The following CRYM variants were observed in gnomAD, a reference collection of about 807,000 sequenced individuals.
CRYM encodes crystallin mu.
CRYM carries 18 observed loss-of-function variants against 32.9 expected under a neutral mutation model. The ratio of observed to expected loss-of-function variants is 0.55; its 90% CI spans 0.38 to 0.81. CRYM has a LOEUF of 0.81. Ranked by LOEUF, CRYM falls within the 30% of genes least tolerant of loss-of-function variation. CRYM has a pLI of 0.00. For missense variants in CRYM, 337 were observed against 393.5 expected (o/e 0.86, Z 1.21); for synonymous variants, 153 against 152.4 (o/e 1.00, Z -0.03).
intron 1 of CRYM, among the ~76,000 whole-genome samples, chr16:21,289,102 G>A (rs898415248): frequency 1.3e-5 from 2 of 152,040 alleles, no homozygotes; most frequent in African/African-American, 4.8e-5. Flanking sequence ...TATACCTTTA[G>A]GTCAGGTGGT....
chr16:21,260,608 T>C (rs929236481), intron 7 of CRYM, among the ~76,000 whole-genome samples: 3 of 152,148 alleles, frequency 2.0e-5, no homozygotes, highest in Non-Finnish European at 4.4e-5. Flanking sequence ...CCTGTTCCCA[T>C]GTACTTCTGT....
intron 1 of CRYM, among the ~76,000 whole-genome samples, chr16:21,283,303 CA>C (rs913255005): frequency 2.0e-5 from 3 of 152,018 alleles, no homozygotes; most frequent in African/African-American, 7.3e-5. Flanking sequence ...CATCTAAATG[CA>C]ATATTTAAAA....
intron 7 of CRYM, among the ~76,000 whole-genome samples, chr16:21,259,615 A>C (rs537834170): frequency 6.6e-6 from 1 of 152,192 alleles, no homozygotes; most frequent in Non-Finnish European, 1.5e-5. Flanking sequence ...ATCATGAAAT[A>C]TTTTCTCCCC....
At chr16:21,281,380 A>G (rs2152863792), upstream of CRYM, among the ~76,000 whole-genome samples, 1 of 151,100 alleles carries the variant, frequency 6.6e-6, no homozygotes. Flanking sequence ...GCATGCCACC[A>G]CCCCCGGCTA....
chr16:21,291,000 CA>C (rs1960638128), intron 1 of CRYM, among the ~76,000 whole-genome samples: 1 of 152,194 alleles, frequency 6.6e-6, no homozygotes, highest in African/African-American at 2.4e-5. Context: ...ATTATCAACA[CA>C]AACTATGTTT....
intron 1 of CRYM, among the ~76,000 whole-genome samples, chr16:21,287,267 C>T (rs2093408994): frequency 6.6e-6 from 1 of 152,146 alleles, no homozygotes; most frequent in Admixed American, 6.5e-5. Flanking sequence ...AAAGCCTTTA[C>T]TCTTTGTTAG....
intron 1 of CRYM, among the ~76,000 whole-genome samples, chr16:21,285,364 T>C (rs1481184361): frequency 6.6e-6 from 1 of 152,228 alleles, no homozygotes; most frequent in African/African-American, 2.4e-5. Context: ...CTTGGCTGTA[T>C]CTGTAATACC....
At chr16:21,282,944 A>G (rs2093400696), upstream of CRYM, among the ~76,000 whole-genome samples, 1 of 152,022 alleles carries the variant, frequency 6.6e-6, no homozygotes, top group African/African-American at 2.4e-5. Context: ...AAATAATGAA[A>G]TTATTATTAT....
chr16:21,294,689 TTTTTTTTTTTTTTTC>T (rs1960749353), intron 1 of CRYM, among the ~76,000 whole-genome samples: 1 of 133,972 alleles, frequency 7.5e-6, no homozygotes, highest in Non-Finnish European at 1.6e-5. Context: ...ATCTCATTCC[TTTTTTTTTTTTTTTC>T]TTTTTTTTTT....
intron 1 of CRYM, among the ~76,000 whole-genome samples, chr16:21,290,484 T>TG (rs1960615746): frequency 6.6e-6 from 1 of 152,152 alleles, no homozygotes; most frequent in South Asian, 2.1e-4. Context: ...CTTTAAGAAT[T>TG]GTAACACTCA....
chr16:21,278,594 A>C, upstream of CRYM: 8 of 373,792 alleles, frequency 2.1e-5, no homozygotes, highest in East Asian at 6.1e-5. Context: ...ACCCCTCCCT[A>C]TTAACTCGCT....
intron 5 of CRYM, among the ~76,000 whole-genome samples, chr16:21,264,915 A>AC (rs2093361067): frequency 6.6e-6 from 1 of 152,012 alleles, no homozygotes; most frequent in African/African-American, 2.4e-5. Context: ...CTGGAAGAGG[A>AC]CCCCCGAGCA....
At chr16:21,267,051 T>C (rs1026491967) in intron 5 of CRYM, among the ~76,000 whole-genome samples, 2 of 152,134 alleles carry the variant, frequency 1.3e-5, no homozygotes, top group South Asian at 2.1e-4. Flanking sequence ...TTAAATATTC[T>C]TTAGTTTCAG....
chr16:21,299,749 T>G (rs1223051963), intron 1 of CRYM, among the ~76,000 whole-genome samples: 1 of 152,226 alleles, frequency 6.6e-6, no homozygotes, highest in Non-Finnish European at 1.5e-5. Context: ...ATTAACTATA[T>G]CATGGATACC....
upstream of CRYM, among the ~76,000 whole-genome samples, chr16:21,281,669 C>T (rs955819883): frequency 1.3e-5 from 2 of 152,128 alleles, no homozygotes; most frequent in Non-Finnish European, 2.9e-5. Context: ...ATAAGACTAC[C>T]GACTATAGGA....
At chr16:21,272,025 AT>A (rs775866723) in intron 3 of CRYM, among the ~76,000 whole-genome samples, 539 of 133,668 alleles carry the variant, frequency 4.0e-3, no homozygotes, top group Middle Eastern at 0.016. Flanking sequence ...TACTTGGCTA[AT>A]TTTTTTTTTT....
At chr16:21,273,090 A>G (rs1199987592) in intron 3 of CRYM, among the ~76,000 whole-genome samples, 1 of 152,080 alleles carries the variant, frequency 6.6e-6, no homozygotes, top group Non-Finnish European at 1.5e-5. Context: ...TTTGGTGGAC[A>G]CTCAAATATT....
intron 1 of CRYM, among the ~76,000 whole-genome samples, chr16:21,290,739 T>C (rs972958063): frequency 2.0e-5 from 3 of 152,216 alleles, no homozygotes; most frequent in Non-Finnish European, 4.4e-5. Context: ...TTTAATTTAG[T>C]ATTTAGAGGA....
At chr16:21,269,143 C>CAAA (rs35798113) in intron 4 of CRYM, among the ~76,000 whole-genome samples, 6 of 78,464 alleles carry the variant, frequency 7.6e-5, no homozygotes, top group Admixed American at 1.5e-4. Flanking sequence ...GACTCCATTT[C>CAAA]AAAAAAAAAA....
Sources: gnomAD v4.1 joint callset for allele counts (sites outside exome capture counted in the v4.1 genomes callset) on GRCh38, gnomAD v4.1.1 for gene constraint, MANE v1.5 for transcripts, NCBI Gene and HGNC (gene_info 2026-07-23, HGNC 2026-07-21) for gene names.